The following TADA2A variants were observed in gnomAD, a reference collection of about 807,000 sequenced individuals.
TADA2A encodes transcriptional adapter 2-alpha.
In TADA2A, 38 loss-of-function variants were observed where a neutral mutation model predicts 67.4. The observed-to-expected ratio is 0.56, with a 90% confidence interval of 0.44 to 0.74. The LOEUF (loss-of-function observed/expected upper bound fraction) is 0.74. Among genes scored for constraint, TADA2A ranks in the 30% least tolerant of loss-of-function variants. The pLI, the probability that TADA2A is intolerant of heterozygous loss-of-function variation, is 0.00. For synonymous variants in TADA2A, 192 were observed against 181.6 expected (o/e 1.06, Z -0.46); for missense variants, 454 against 547.0 (o/e 0.83, Z 1.70).
chr17:37,450,125 T>C (rs1273562216), intron 8 of TADA2A, among the ~76,000 whole-genome samples: 2 of 152,162 alleles, frequency 1.3e-5, no homozygotes. Flanking sequence ...TTTACGAATT[T>C]GTATTGCGCT....
At chr17:37,469,486 A>C (rs914954215) in intron 12 of TADA2A, among the ~76,000 whole-genome samples, 8 of 151,916 alleles carry the variant, frequency 5.3e-5, no homozygotes, top group African/African-American at 1.9e-4. Context: ...ATACAAAATT[A>C]GCTGGGCATG....
chr17:37,432,011 C>T (rs1181346042), intron 4 of TADA2A, among the ~76,000 whole-genome samples: 1 of 152,120 alleles, frequency 6.6e-6, no homozygotes, highest in Non-Finnish European at 1.5e-5. Context: ...ATCTAAAACC[C>T]TGCTGCCTTT....
intron 9 of TADA2A, among the ~76,000 whole-genome samples, chr17:37,460,082 CTTT>C (rs747329216): frequency 4.4e-5 from 6 of 136,746 alleles, no homozygotes; most frequent in Admixed American, 7.4e-5. Context: ...GAAAAAAAAC[CTTT>C]TTTTTTTTTT....
intron 8 of TADA2A, among the ~76,000 whole-genome samples, chr17:37,455,307 T>C (rs1446525686): frequency 8.9e-6 from 1 of 112,926 alleles, no homozygotes; most frequent in African/African-American, 3.8e-5. Flanking sequence ...AGAGGTCTTC[T>C]GGTTATTAAA....
chr17:37,445,512 C>A (rs774542452), intron 8 of TADA2A, among the ~76,000 whole-genome samples: 1 of 152,154 alleles, frequency 6.6e-6, no homozygotes, highest in African/African-American at 2.4e-5. Flanking sequence ...GTGATCTGCC[C>A]GCCTCAGCTT....
Position 37,458,637 on chromosome 17 carries a change from TTGTGTGTGTGTGTGTGTG to T in TADA2A, c.668+70_668+87del, listed in dbSNP as rs55935249. ...CTCCTTTCAGCTTTGGATTATTGTT[TTGTGTGTGTGTGTGTGTG>T]TGTGTGTGTGTGTGTGTGTCTGTGT... On this transcript the variant is annotated intron_variant, in intron 9 of 15. Coordinates refer to ENST00000615182, the MANE Select transcript of TADA2A (RefSeq NM_001166105.3). 264 of 981,556 alleles carry T rather than the reference TTGTGTGTGTGTGTGTGTG, an allele frequency of 2.7e-4. No individual in the cohort carries two copies. The African/African-American group carries it at 3.7e-3, about 14-fold the overall frequency. 60.8% of individuals were successfully genotyped at this position (981,556 alleles called of 1,614,324 possible). A position where few individuals can be genotyped will look rare whatever the true frequency, so the allele number is the denominator to read the frequency against.
chr17:37,454,342 C>G (rs2053323407), intron 8 of TADA2A: 1 of 140,706 alleles, frequency 7.1e-6, no homozygotes, highest in African/African-American at 2.7e-5. Context: ...GTTGCCCAGG[C>G]TGGAGTGCAG....
intron 7 of TADA2A, 89 bp downstream of exon 7, chr17:37,442,741 C>T: frequency 8.2e-7 from 1 of 1,220,366 alleles, no homozygotes; most frequent in East Asian, 2.6e-5. Flanking sequence ...TTCCATACCA[C>T]TAAAAGGAGA....
At chr17:37,420,880 T>C (rs781157824) in intron 2 of TADA2A, among the ~76,000 whole-genome samples, 1 of 146,940 alleles carries the variant, frequency 6.8e-6, no homozygotes, top group Non-Finnish European at 1.5e-5. Context: ...CTTAGATTCT[T>C]GTGATTGATC....
At chr17:37,414,030 G>A (rs2051961952) in intron 2 of TADA2A, among the ~76,000 whole-genome samples, 1 of 151,972 alleles carries the variant, frequency 6.6e-6, no homozygotes, top group Non-Finnish European at 1.5e-5. Context: ...GCTCATACTT[G>A]TAGGTGAGAT....
At chr17:37,423,652 T>A in intron 3 of TADA2A, 37 bp downstream of exon 3, 1 of 1,475,346 alleles carries the variant, frequency 6.8e-7, no homozygotes. Context: ...AGCCTAGTTT[T>A]ATGCTATTTT....
At chr17:37,471,697 G>A (rs1046469212) in intron 14 of TADA2A, among the ~76,000 whole-genome samples, 10 of 151,916 alleles carry the variant, frequency 6.6e-5, no homozygotes, top group Admixed American at 1.3e-4. Context: ...TGGTAGGGAC[G>A]GTTTTGCCAT....
chr17:37,430,204 G>C (rs923491671), intron 4 of TADA2A, among the ~76,000 whole-genome samples: 9 of 152,108 alleles, frequency 5.9e-5, no homozygotes, highest in Admixed American at 3.3e-4. Flanking sequence ...ACTTCATTCT[G>C]ATTACATCAT....
intron 3 of TADA2A, among the ~76,000 whole-genome samples, chr17:37,425,107 C>G (rs1256269357): frequency 6.6e-6 from 1 of 151,760 alleles, no homozygotes; most frequent in Non-Finnish European, 1.5e-5. Context: ...TCTCAAACTC[C>G]TGACCTCAAG....
chr17:37,416,141 G>A lies in TADA2A; in HGVS notation c.25+4751G>A, dbSNP rs537756670. ...CTCAATTTTTTTTTTTTTTTTAAAC[G>A]GAGTTTCACTCTTGTCACCCAGGCT... On this transcript the variant is annotated intron_variant, in intron 2 of 15. Coordinates refer to ENST00000615182, the MANE Select transcript of TADA2A (RefSeq NM_001166105.3). Among the ~76,000 whole-genome samples, 284 of 146,094 alleles carry A rather than the reference G, an allele frequency of 1.9e-3. 1 individual carries two copies. The highest frequency in any genetic ancestry group is 0.011 in the Middle Eastern group (3 of 280).
At chr17:37,424,241 C>T (rs1028463331) in intron 3 of TADA2A, among the ~76,000 whole-genome samples, 11 of 151,744 alleles carry the variant, frequency 7.2e-5, no homozygotes, top group African/African-American at 2.4e-4. Context: ...AAGACCAGCC[C>T]GGTCAACATG....
chr17:37,447,352 G>A (rs572082004), intron 8 of TADA2A, among the ~76,000 whole-genome samples: 1 of 152,180 alleles, frequency 6.6e-6, no homozygotes, highest in South Asian at 2.1e-4. Flanking sequence ...AGAGGGTTTT[G>A]CCATGTTTGC....
chr17:37,466,542 G>A (rs182304565), intron 11 of TADA2A, among the ~76,000 whole-genome samples: 1 of 152,296 alleles, frequency 6.6e-6, no homozygotes, highest in Non-Finnish European at 1.5e-5. Context: ...TTCTGGGAAG[G>A]TAGTCTACTA....
chr17:37,450,906 TCTC>T (rs1568166576), intron 8 of TADA2A, among the ~76,000 whole-genome samples: 1 of 152,226 alleles, frequency 6.6e-6, no homozygotes, highest in African/African-American at 2.4e-5. Context: ...GAATTCCAGT[TCTC>T]CTCCCATTTG....
Sources: allele counts gnomAD v4.1 joint callset (sites outside exome capture counted in the v4.1 genomes callset), GRCh38; gene constraint gnomAD v4.1.1; transcripts MANE v1.5; gene names NCBI Gene and HGNC (gene_info 2026-07-23, HGNC 2026-07-21).